Variants in MCF2L2 observed in about 807,000 individuals in gnomAD.
MCF2L2 encodes probable guanine nucleotide exchange factor MCF2L2.
In MCF2L2, 102 loss-of-function variants were observed where a neutral mutation model predicts 150.2. The observed-to-expected ratio is 0.68, with a 90% CI of 0.58 to 0.80. The LOEUF (loss-of-function observed/expected upper bound fraction) is 0.80. MCF2L2 is among the 30% of genes least tolerant of loss of function. The pLI, the probability that MCF2L2 is intolerant of heterozygous loss-of-function variation, is 0.00. For missense variants in MCF2L2, 1,256 were observed against 1,372.8 expected (o/e 0.91, Z 1.34); for synonymous variants, 465 against 491.3 (o/e 0.95, Z 0.71).
chr3:183,357,656 C>G (rs995979431), intron 3 of MCF2L2, among the ~76,000 whole-genome samples: 1 of 152,136 alleles, frequency 6.6e-6, no homozygotes, highest in African/African-American at 2.4e-5. Context: ...TGCAGTGTAT[C>G]TTTTCCATGC....
intron 5 of MCF2L2, 41 bp from the exon 6 acceptor site, chr3:183,323,392 C>A (rs1729895285): frequency 1.0e-6 from 1 of 1,001,048 alleles, no homozygotes; most frequent in Non-Finnish European, 1.6e-6. Context: ...CCTCATTGAT[C>A]ATTAAATAAT....
chr3:183,397,682 G>A (rs1454055122), intron 1 of MCF2L2, among the ~76,000 whole-genome samples: 3 of 128,920 alleles, frequency 2.3e-5, no homozygotes, highest in Admixed American at 7.3e-5. Context: ...TTATCTATGA[G>A]TAAAATATAA....
At chr3:183,219,066 C>T (rs1364626450) in intron 21 of MCF2L2, among the ~76,000 whole-genome samples, 7 of 152,122 alleles carry the variant, frequency 4.6e-5, no homozygotes, top group Admixed American at 1.3e-4. Flanking sequence ...CAGATTTCTT[C>T]CTAACCTGGT....
At chr3:183,187,836 T>C (rs2108631547) in intron 27 of MCF2L2, among the ~76,000 whole-genome samples, 1 of 152,324 alleles carries the variant, frequency 6.6e-6, no homozygotes, top group Admixed American at 6.5e-5. Flanking sequence ...ATCTGGAAGT[T>C]GTGTAGGTCC....
intron 27 of MCF2L2, among the ~76,000 whole-genome samples, chr3:183,186,753 TGC>T (rs940421479): frequency 4.6e-5 from 7 of 152,150 alleles, no homozygotes; most frequent in African/African-American, 1.7e-4. Context: ...GATGGGGTCT[TGC>T]GATATTGCCC....
chr3:183,216,559 TATA>T (rs1722928309), intron 21 of MCF2L2, among the ~76,000 whole-genome samples: 2 of 3,500 alleles, frequency 5.7e-4, no homozygotes, highest in African/African-American at 1.8e-3. Context: ...ATATTATATA[TATA>T]TATATATATA....
chr3:183,263,395 T>A (rs1163828064), intron 15 of MCF2L2, among the ~76,000 whole-genome samples: 1 of 152,270 alleles, frequency 6.6e-6, no homozygotes, highest in East Asian at 1.9e-4. Context: ...AGCACAACCC[T>A]AACTATATGG....
chr3:183,341,908 G>T (rs147533253), intron 3 of MCF2L2, among the ~76,000 whole-genome samples: 21 of 152,336 alleles, frequency 1.4e-4, no homozygotes, highest in African/African-American at 4.6e-4. Flanking sequence ...ATATGCACGT[G>T]TCAGGTGAGC....
chr3:183,257,803 T>C (rs534479978), intron 15 of MCF2L2, among the ~76,000 whole-genome samples: 1 of 152,166 alleles, frequency 6.6e-6, no homozygotes, highest in South Asian at 2.1e-4. Context: ...TCTGATCTCC[T>C]TTTTTCCGTT....
At position 183,427,830 on chromosome 3, in the gene MCF2L2, A is replaced by G. The variant is rs1444342226; in HGVS notation, c.76+72T>C. On this transcript the variant is annotated intron_variant, in intron 1 of 29. Coordinates refer to ENST00000328913, the MANE Select transcript of MCF2L2 (RefSeq NM_015078.4). ...CCCCGGGGCAGCGGGTGAGGCCAGG[A>G]GCCAGATGAAGCCCAGAGACCATCC... is the stretch of plus-strand genomic sequence containing the variant. 3 of 1,317,596 alleles carry G rather than the reference A, an allele frequency of 2.3e-6. No individual in the cohort carries two copies. The African/African-American group carries it at 4.4e-5, about 19-fold the overall frequency. The allele number at this position is 1,317,596 out of a possible 1,614,324, so 81.6% of individuals were successfully genotyped here.
chr3:183,259,722 C>G (rs1204051644), intron 15 of MCF2L2, among the ~76,000 whole-genome samples: 2 of 152,100 alleles, frequency 1.3e-5, no homozygotes, highest in African/African-American at 4.8e-5. Context: ...TGTCACCCTC[C>G]TGCGACTTTG....
chr3:183,276,504 C>T lies in MCF2L2; in HGVS notation c.1862+368G>A, dbSNP rs369891501. Among the ~76,000 whole-genome samples the T allele has an allele frequency of 2.1e-4, 32 of 152,324 alleles. 1 individual carries two copies. In the East Asian group the frequency reaches 4.4e-3, roughly 21 times the overall value. On this transcript the variant is annotated intron_variant, in intron 15 of 29. Coordinates refer to ENST00000328913, the MANE Select transcript of MCF2L2 (RefSeq NM_015078.4). ...TTCTGAGGATGCAAACACCTTTCTA[C>T]AGAGCAAAAACAGCATTTGTATAAA...
At position 183,193,033 on chromosome 3, in the gene MCF2L2, C is replaced by T; in HGVS notation, c.2982G>A (p.Lys994=). 6.2e-7 allele frequency: 1 copy of T among 1,614,184 alleles called. No homozygotes were observed. The highest frequency in any genetic ancestry group is 1.7e-5 in the Admixed American group (1 of 60,022). Residue 994 remains lysine (K), a synonymous_variant, in exon 27 of 30, where the codon AAG becomes AAA. Transcript: ENST00000328913. Reference sequence around the variant, plus strand: ...CTCCTGTGCTGGAGGCCGGGTCTTCCTTGCTAGTGGTAGCTCTTTCCATAT... The same window carrying T: ...CTCCTGTGCTGGAGGCCGGGTCTTCTTTGCTAGTGGTAGCTCTTTCCATAT... ...IKNMERATTS[K]EDPASSTGGI...
intron 2 of MCF2L2, among the ~76,000 whole-genome samples, chr3:183,388,567 C>T (rs1324021367): frequency 6.6e-6 from 1 of 152,158 alleles, no homozygotes; most frequent in Non-Finnish European, 1.5e-5. Context: ...TTGTACTGAG[C>T]ACCTTTTATG....
chr3:183,204,999 T>A (rs1044236741), intron 25 of MCF2L2, among the ~76,000 whole-genome samples: 1 of 152,212 alleles, frequency 6.6e-6, no homozygotes, highest in Non-Finnish European at 1.5e-5. Context: ...AGATGGAGAA[T>A]GATTGCTAAT....
rs954194208 is a variant in MCF2L2 at position 183,267,455 on chromosome 3, G to T, written c.1862+9417C>A. On this transcript the variant is annotated intron_variant, in intron 15 of 29. Transcript: ENST00000328913. The surrounding 1 kb of genome is among the most constrained non-coding windows in gnomAD (Gnocchi z 5.5). The stretch of plus-strand genomic sequence containing the variant: ...CGAAAGCTCTGAAGTGGGGATGGAG[G>T]TGTCACAGCTGAGGCTAGGCCCATT... 1.3e-5 allele frequency among the ~76,000 whole-genome samples: 2 copies of T among 152,234 alleles called. No homozygotes were observed. The highest frequency in any genetic ancestry group is 2.9e-5 in the Non-Finnish European group (2 of 68,048).
chr3:183,335,339 A>G (rs1730432992), intron 5 of MCF2L2, among the ~76,000 whole-genome samples: 2 of 145,480 alleles, frequency 1.4e-5, no homozygotes, highest in African/African-American at 5.5e-5. Context: ...GCATTACAAT[A>G]CATATACAGA....
chr3:183,326,379 C>A (rs916127102), intron 5 of MCF2L2, among the ~76,000 whole-genome samples: 16 of 151,112 alleles, frequency 1.1e-4, no homozygotes, highest in African/African-American at 3.9e-4. Context: ...GTAATCCCAG[C>A]TGCTTGGGAG....
intron 3 of MCF2L2, chr3:183,375,672 C>T (rs1713151512): frequency 6.6e-6 from 1 of 152,122 alleles, no homozygotes; most frequent in African/African-American, 2.4e-5. Flanking sequence ...ATGCGAGATC[C>T]TAATTAATTT....
Sources: gnomAD v4.1 joint callset for allele counts (sites outside exome capture counted in the v4.1 genomes callset) on GRCh38, gnomAD v4.1.1 for gene constraint, Gnocchi (gnomAD v3.1) non-coding constraint, MANE v1.5 for transcripts, NCBI Gene and HGNC (gene_info 2026-07-23, HGNC 2026-07-21) for gene names.